Variants in UNC79 observed in about 807,000 individuals in gnomAD.
UNC79 encodes the protein unc-79 subunit of NALCN channel complex.
Under a neutral mutation model 283.1 loss-of-function variants are expected in UNC79, and 37 were observed. The observed-to-expected ratio is 0.13, with a 90% CI of 0.10 to 0.17. The LOEUF (loss-of-function observed/expected upper bound fraction) is 0.17, where lower values mean the gene tolerates loss of function less well. Among genes scored for constraint, UNC79 ranks in the 10% least tolerant of loss-of-function variants. The pLI, the probability that UNC79 is intolerant of heterozygous loss-of-function variation, is 1.00. For synonymous variants in UNC79, 1,107 were observed against 1,200.2 expected (o/e 0.92, Z 1.61); for missense variants, 2,272 against 3,211.1 (o/e 0.71, Z 7.07).
At chr14:93,525,600 G>A (rs1216742655) in intron 8 of UNC79, among the ~76,000 whole-genome samples, 1 of 152,176 alleles carries the variant, frequency 6.6e-6, no homozygotes, top group Non-Finnish European at 1.5e-5. Flanking sequence ...CTGCTCACAT[G>A]TGAATTCATA....
At chr14:93,347,223 C>A in intron 1 of UNC79, 1 of 1,545,456 alleles carries the variant, frequency 6.5e-7, no homozygotes, top group Admixed American at 1.9e-5. Context: ...CTTGGCCTCA[C>A]CTCACCTGTG....
intron 35 of UNC79, among the ~76,000 whole-genome samples, chr14:93,649,815 G>T (rs1036929594): frequency 2.6e-5 from 4 of 152,110 alleles, no homozygotes; most frequent in African/African-American, 9.7e-5. Flanking sequence ...CATTGACGAT[G>T]GTTGTTTCTT....
chr14:93,431,723 C>T lies in UNC79; in HGVS notation c.22+672C>T, dbSNP rs140106376. Among the ~76,000 whole-genome samples the T allele has an allele frequency of 2.1e-3, 314 of 152,342 alleles. 5 individuals are homozygous for T. The East Asian group carries it at 0.022, about 10-fold the overall frequency. On this transcript the variant is annotated intron_variant, in intron 1 of 48. Coordinates refer to ENST00000555664, the Ensembl canonical transcript of UNC79. ...CAAAGAGCAGGCTTCCTTTGTAGGG[C>T]AGCCCATAGCACCGGAGGATTTTGG... is the stretch of plus-strand genomic sequence containing the variant.
chr14:93,343,015 T>C (rs2053745613), intron 1 of UNC79, among the ~76,000 whole-genome samples: 1 of 152,230 alleles, frequency 6.6e-6, no homozygotes, highest in Non-Finnish European at 1.5e-5. Flanking sequence ...TCAAAACCAT[T>C]CCACAGGTCT....
intron 2 of UNC79, among the ~76,000 whole-genome samples, chr14:93,471,363 G>A (rs2057491117): frequency 6.6e-6 from 1 of 152,088 alleles, no homozygotes; most frequent in African/African-American, 2.4e-5. Context: ...CACCAACAGA[G>A]GTCTTCCTCT....
intron 34 of UNC79, among the ~76,000 whole-genome samples, chr14:93,646,211 A>G (rs2069583673): frequency 6.6e-6 from 1 of 152,104 alleles, no homozygotes; most frequent in Non-Finnish European, 1.5e-5. Context: ...TATCTTATGG[A>G]GGCTTTTACC....
At chr14:93,660,881 C>T (rs944657792) in intron 39 of UNC79, among the ~76,000 whole-genome samples, 4 of 152,014 alleles carry the variant, frequency 2.6e-5, no homozygotes, top group African/African-American at 4.8e-5. Flanking sequence ...TGTCCCACTG[C>T]GCCCAACCTC....
intron 4 of UNC79, among the ~76,000 whole-genome samples, chr14:93,484,005 T>G (rs909946594): frequency 6.6e-6 from 1 of 152,188 alleles, no homozygotes. Flanking sequence ...AACATACCTG[T>G]GCATGTGTCT....
At chr14:93,662,780 T>C (rs951297027) in intron 40 of UNC79, 66 bp downstream of exon 43, 1 of 1,303,710 alleles carries the variant, frequency 7.7e-7, no homozygotes, top group African/African-American at 1.5e-5. Flanking sequence ...TTCTTTTGAA[T>C]CAGTGTCAAG....
downstream of UNC79, chr14:93,707,054 C>T (rs1566955303): frequency 5.6e-6 from 5 of 892,136 alleles, no homozygotes; most frequent in East Asian, 8.0e-5. Context: ...CAGAGAGGGC[C>T]GAAAATGAAG....
At chr14:93,353,912 T>C (rs2054028637) in intron 1 of UNC79, among the ~76,000 whole-genome samples, 1 of 152,156 alleles carries the variant, frequency 6.6e-6, no homozygotes, top group African/African-American at 2.4e-5. Context: ...TAACTTGCCC[T>C]AGAAGAGGAG....
chr14:93,466,349 A>G (rs1402274731), intron 1 of UNC79, among the ~76,000 whole-genome samples: 1 of 152,246 alleles, frequency 6.6e-6, no homozygotes, highest in East Asian at 1.9e-4. Context: ...GGACGTTCAC[A>G]TTCATGTGGA....
chr14:93,404,878 C>G (rs2055195582), intron 1 of UNC79, among the ~76,000 whole-genome samples: 1 of 151,770 alleles, frequency 6.6e-6, no homozygotes, highest in African/African-American at 2.4e-5. Context: ...GAAGCCAACT[C>G]TAATGAAAAC....
chr14:93,523,036 G>A (rs1422003866), intron 7 of UNC79, among the ~76,000 whole-genome samples: 4 of 152,100 alleles, frequency 2.6e-5, no homozygotes, highest in Admixed American at 6.6e-5. Flanking sequence ...AAATTCCCAC[G>A]TATTAAGAAT....
At chr14:93,412,781 T>G (rs1429243830) in intron 1 of UNC79, among the ~76,000 whole-genome samples, 2 of 151,988 alleles carry the variant, frequency 1.3e-5, no homozygotes, top group Non-Finnish European at 2.9e-5. Flanking sequence ...CCTAGAATAG[T>G]ATATCCAGTG....
chr14:93,600,871 G>A (rs2065449569), intron 25 of UNC79, 101 bp downstream of exon 25: 2 of 1,347,420 alleles, frequency 1.5e-6, no homozygotes, highest in African/African-American at 1.4e-5. Context: ...CTCTACAGAG[G>A]ATGCCTTGAC....
intron 1 of UNC79, among the ~76,000 whole-genome samples, chr14:93,359,004 G>A (rs879274425): frequency 5.9e-5 from 9 of 152,194 alleles, no homozygotes; most frequent in Admixed American, 1.3e-4. Context: ...GCAGAAATCT[G>A]GAGAACAGGC....
chr14:93,542,042 A>C (rs966602519), intron 13 of UNC79, among the ~76,000 whole-genome samples: 2 of 150,748 alleles, frequency 1.3e-5, no homozygotes, highest in Non-Finnish European at 3.0e-5. Context: ...TATTTATGAT[A>C]GTGAATTGGG....
chr14:93,343,612 G>A (rs1469255955), intron 1 of UNC79, among the ~76,000 whole-genome samples: 1 of 152,026 alleles, frequency 6.6e-6, no homozygotes, highest in African/African-American at 2.4e-5. Flanking sequence ...AATTAAACAT[G>A]TTTTTCTAGA....
Sources: gnomAD v4.1 joint callset for allele counts (sites outside exome capture counted in the v4.1 genomes callset) on GRCh38, gnomAD v4.1.1 for gene constraint, MANE v1.5 for transcripts, NCBI Gene and HGNC (gene_info 2026-07-23, HGNC 2026-07-21) for gene names.